The following FAT3 variants were observed in gnomAD, a reference collection of about 807,000 sequenced individuals.
The protein encoded by FAT3 is FAT atypical cadherin 3.
Under a neutral mutation model 310.2 loss-of-function variants are expected in FAT3, and 95 were observed. The ratio of observed to expected loss-of-function variants is 0.31; its 90% CI spans 0.26 to 0.36. FAT3 has a LOEUF of 0.36. FAT3 is among the 10% of genes least tolerant of loss of function. The probability of loss-of-function intolerance (pLI) is 1.00; values close to 1 mark genes in which losing one functional copy is unlikely to be tolerated. For missense variants in FAT3, 5,408 were observed against 5,715.6 expected, an observed-to-expected ratio of 0.95 and a Z score of 1.74; for synonymous variants, 2,314 against 2,192.9, an observed-to-expected ratio of 1.06 and a Z score of -1.54.
At chr11:92,649,874 C>CATGTATATATAT (rs1300301742) in intron 3 of FAT3, among the ~76,000 whole-genome samples, 2 of 49,688 alleles carry the variant, frequency 4.0e-5, no homozygotes, top group African/African-American at 1.6e-4. Context: ...TTTGTATGTT[C>CATGTATATATAT]ATATATATAT....
intron 2 of FAT3, among the ~76,000 whole-genome samples, chr11:92,357,628 C>A (rs1948768138): frequency 6.6e-6 from 1 of 152,014 alleles, no homozygotes; most frequent in Admixed American, 6.6e-5. Context: ...AAAGTATGAG[C>A]TGAATCATTC....
At chr11:92,360,569 T>G (rs978367723) in intron 2 of FAT3, among the ~76,000 whole-genome samples, 2 of 152,224 alleles carry the variant, frequency 1.3e-5, no homozygotes, top group Non-Finnish European at 2.9e-5. Flanking sequence ...TCTCAAAATG[T>G]AATTTTCTAT....
At chr11:92,449,624 C>A (rs1234415190) in intron 2 of FAT3, among the ~76,000 whole-genome samples, 1 of 152,098 alleles carries the variant, frequency 6.6e-6, no homozygotes, top group Non-Finnish European at 1.5e-5. Flanking sequence ...GATGAGGAAA[C>A]TGAAGCATGG....
At chr11:92,714,132 T>C (rs1012316656) in intron 4 of FAT3, among the ~76,000 whole-genome samples, 1 of 152,132 alleles carries the variant, frequency 6.6e-6, no homozygotes, top group African/African-American at 2.4e-5. Flanking sequence ...TTATAGACTG[T>C]TTGTATTATC....
At chr11:92,525,923 C>T (rs1591402123) in intron 3 of FAT3, among the ~76,000 whole-genome samples, 2 of 151,912 alleles carry the variant, frequency 1.3e-5, no homozygotes, top group African/African-American at 2.4e-5. Flanking sequence ...ATGTCAGACT[C>T]CCATTAATAT....
At chr11:92,333,804 C>T (rs1947982589) in intron 1 of FAT3, among the ~76,000 whole-genome samples, 2 of 151,816 alleles carry the variant, frequency 1.3e-5, no homozygotes, top group African/African-American at 4.8e-5. Flanking sequence ...TGGTACTCTC[C>T]TCAGTTATAT....
At chr11:92,581,304 T>A (rs538843392) in intron 3 of FAT3, among the ~76,000 whole-genome samples, 29 of 152,112 alleles carry the variant, frequency 1.9e-4, no homozygotes, top group African/African-American at 6.7e-4. Flanking sequence ...TCTAGACAGC[T>A]TCTCTGCCAT....
rs921651797 is a variant in FAT3, at chr11:92,844,401, C to T, written c.11034C>T (p.Leu3678=). ...GFRRTLRNAV[L]TQKQDSLRII... ...GGCGCACCCTGCGGAATGCAGTCCTCACCCAGAAGCAGGACAGCCTGCGCA... is the reference window on the plus strand; with the variant it reads ...GGCGCACCCTGCGGAATGCAGTCCTTACCCAGAAGCAGGACAGCCTGCGCA... The change falls in exon 19 of 28, where the codon CTC becomes CTT. Residue 3678 remains leucine, a synonymous_variant. Transcript: ENST00000525166. 1.2e-6 allele frequency: 2 copies of T among 1,613,838 alleles called. No homozygotes were observed. Among genetic ancestry groups the T allele is most frequent in the African/African-American group, 1.3e-5 (1 of 74,932 alleles).
intron 3 of FAT3, among the ~76,000 whole-genome samples, chr11:92,623,916 C>T (rs1156552979): frequency 6.6e-6 from 1 of 152,088 alleles, no homozygotes; most frequent in Non-Finnish European, 1.5e-5. Context: ...GCACTCCAAC[C>T]TGGATGACAA....
At position 92,857,190 on chromosome 11, in the gene FAT3, A is replaced by G. The variant is rs375892253; in HGVS notation, c.11366-24A>G. On this transcript the variant is annotated intron_variant, in intron 19 of 27. Transcript: ENST00000525166. ...GGGTGAATCCCTTTGTGTACTGATCATGCATATTCCACCTTTGTCACAGGA... is the reference window on the plus strand; with the variant it reads ...GGGTGAATCCCTTTGTGTACTGATCGTGCATATTCCACCTTTGTCACAGGA... 8.1e-6 allele frequency: 13 copies of G among 1,613,716 alleles called. No homozygotes were observed. The African/African-American group carries it at 1.5e-4, about 18-fold the overall frequency.
In FAT3 at chr11:92,474,095, G is replaced by A. The variant is rs567894645; in HGVS notation, c.3293-50539G>A. Among the ~76,000 whole-genome samples the A allele has an allele frequency of 7.9e-5, 12 of 152,268 alleles. No individual in the cohort carries two copies. The South Asian group carries it at 1.7e-3, about 21-fold the overall frequency. ...GGAGCAGCCTGATCTTCCTTTGAGA[G>A]GAAAGAGATTCCCTTGCACTGCTCC... is the stretch of plus-strand genomic sequence containing the variant. On this transcript the variant is annotated intron_variant, in intron 2 of 27. Coordinates refer to ENST00000525166, the MANE Select transcript of FAT3 (RefSeq NM_001367949.2).
chr11:92,631,417 G>A (rs890657366), intron 3 of FAT3, among the ~76,000 whole-genome samples: 14 of 152,144 alleles, frequency 9.2e-5, no homozygotes, highest in Admixed American at 8.5e-4. Flanking sequence ...CCCAGGTGTT[G>A]AGGGAGGGAG....
chr11:92,233,702 T>C (rs1864289397), intron 1 of FAT3, among the ~76,000 whole-genome samples: 1 of 152,146 alleles, frequency 6.6e-6, no homozygotes, highest in Non-Finnish European at 1.5e-5. Flanking sequence ...AATGAGGAAA[T>C]TGGGCAATCT....
chr11:92,282,851 G>A (rs1223060595), intron 1 of FAT3, among the ~76,000 whole-genome samples: 1 of 151,948 alleles, frequency 6.6e-6, no homozygotes, highest in African/African-American at 2.4e-5. Context: ...CACCAATTCT[G>A]ATTTATGCAT....
chr11:92,518,277 A>G (rs894720615), intron 2 of FAT3, among the ~76,000 whole-genome samples: 5 of 152,174 alleles, frequency 3.3e-5, no homozygotes, highest in African/African-American at 4.8e-5. Flanking sequence ...ATGCCCATCA[A>G]TGATAGACTG....
At chr11:92,608,679 G>A (rs1191284419) in intron 3 of FAT3, among the ~76,000 whole-genome samples, 1 of 145,218 alleles carries the variant, frequency 6.9e-6, no homozygotes, top group African/African-American at 2.6e-5. Context: ...CTAATAAATA[G>A]TGAGATAATA....
chr11:92,544,547 T>C (rs1954556321), intron 3 of FAT3, among the ~76,000 whole-genome samples: 1 of 152,198 alleles, frequency 6.6e-6, no homozygotes, highest in South Asian at 2.1e-4. Context: ...CAGTTTGTTA[T>C]AACTGCCAAT....
intron 2 of FAT3, among the ~76,000 whole-genome samples, chr11:92,383,786 C>T (rs758982001): frequency 6.6e-6 from 1 of 151,948 alleles, no homozygotes; most frequent in South Asian, 2.1e-4. Context: ...TGCAGAATTA[C>T]CCTGATGTAC....
At chr11:92,596,475 A>T (rs151176089) in intron 3 of FAT3, among the ~76,000 whole-genome samples, 1 of 152,240 alleles carries the variant, frequency 6.6e-6, no homozygotes, top group Non-Finnish European at 1.5e-5. Context: ...TGGCCTGCAG[A>T]TACAGTGCTC....
Sources: gnomAD v4.1 joint callset for allele counts (sites outside exome capture counted in the v4.1 genomes callset) on GRCh38, gnomAD v4.1.1 for gene constraint, MANE v1.5 for transcripts, NCBI Gene and HGNC (gene_info 2026-07-23, HGNC 2026-07-21) for gene names.